Variants in PHACTR3 observed in about 807,000 individuals in gnomAD.
PHACTR3 encodes protein phosphatase 1, regulatory subunit 123.
PHACTR3 carries 16 observed loss-of-function variants against 66.8 expected under a neutral mutation model. The observed-to-expected ratio is 0.24, with a 90% CI of 0.16 to 0.36. The LOEUF (loss-of-function observed/expected upper bound fraction) is 0.36, where lower values mean the gene tolerates loss of function less well. PHACTR3 is among the 10% of genes least tolerant of loss of function. PHACTR3 has a pLI of 1.00. For synonymous variants in PHACTR3, 323 were observed against 292.1 expected, an observed-to-expected ratio of 1.11 and a Z score of -1.08; for missense variants, 647 against 719.9, an observed-to-expected ratio of 0.90 and a Z score of 1.16.
intron 1 of PHACTR3, among the ~76,000 whole-genome samples, chr20:59,598,102 G>A (rs1183920974): frequency 6.6e-6 from 1 of 152,014 alleles, no homozygotes; most frequent in Non-Finnish European, 1.5e-5. Context: ...TGACACAAGA[G>A]TGCAGGGGCC....
chr20:59,732,417 G>A (rs182736676), intron 1 of PHACTR3, among the ~76,000 whole-genome samples: 2 of 152,282 alleles, frequency 1.3e-5, no homozygotes, highest in East Asian at 3.9e-4. Context: ...AGAAGGTTTT[G>A]GTGGCCTCCC....
intron 1 of PHACTR3, among the ~76,000 whole-genome samples, chr20:59,606,302 C>CT (rs1393823669): frequency 2.1e-5 from 1 of 47,736 alleles, no homozygotes; most frequent in African/African-American, 5.2e-5. Context: ...CACTGGATCC[C>CT]TCCCCCCCCC....
intron 7 of PHACTR3, among the ~76,000 whole-genome samples, chr20:59,793,820 T>C (rs954141257): frequency 6.6e-6 from 1 of 151,938 alleles, no homozygotes; most frequent in Non-Finnish European, 1.5e-5. Flanking sequence ...TGAATGAAAG[T>C]AGTAAAAGTG....
chr20:59,735,347 G>C (rs1324168970), intron 1 of PHACTR3, among the ~76,000 whole-genome samples: 1 of 152,088 alleles, frequency 6.6e-6, no homozygotes, highest in African/African-American at 2.4e-5. Context: ...GGGTTTGTGA[G>C]TGAATGAATA....
intron 1 of PHACTR3, among the ~76,000 whole-genome samples, chr20:59,594,403 T>A (rs1779579329): frequency 1.3e-5 from 2 of 152,094 alleles, no homozygotes; most frequent in Non-Finnish European, 2.9e-5. Context: ...TTTTATTTCT[T>A]CCTTCCTAAT....
At chr20:59,706,225 A>C (rs2037696598) in intron 1 of PHACTR3, among the ~76,000 whole-genome samples, 1 of 152,178 alleles carries the variant, frequency 6.6e-6, no homozygotes, top group African/African-American at 2.4e-5. Context: ...GCAAAAGACA[A>C]TAGGGTTGAT....
rs549223682 is a variant in PHACTR3, at chr20:59,596,156, G to A, written c.109+18539G>A. Among the ~76,000 whole-genome samples the A allele has an allele frequency of 7.9e-5, 12 of 151,810 alleles. No individual in the cohort carries two copies. In the South Asian group the frequency reaches 1.2e-3, roughly 16 times the overall value. Reference sequence around the variant, plus strand: ...TTATTTTTCTTTGTTTTCTTTTTTCGGACAGAGCTCACTCTGTTGCCCAGG... The same window carrying A: ...TTATTTTTCTTTGTTTTCTTTTTTCAGACAGAGCTCACTCTGTTGCCCAGG... On this transcript the variant is annotated intron_variant, in intron 1 of 12. Coordinates refer to the PHACTR3 transcript ENST00000359926.
At chr20:59,626,571 G>A (rs1329745964) in intron 1 of PHACTR3, 1 of 152,404 alleles carries the variant, frequency 6.6e-6, no homozygotes, top group Non-Finnish European at 1.5e-5. Context: ...TAGGAACAAG[G>A]AGACCAGTGA....
At chr20:59,764,786 G>C (rs2040124860) in intron 4 of PHACTR3, among the ~76,000 whole-genome samples, 1 of 152,170 alleles carries the variant, frequency 6.6e-6, no homozygotes, top group Non-Finnish European at 1.5e-5. Flanking sequence ...GCAGGGTGTG[G>C]ATGCAAGGAC....
rs2034825087 is a variant in PHACTR3 at position 59,635,149 on chromosome 20, T to TTTCTTTCTTTCTTTCC, written c.118+30019_118+30020insCTTTCTTTCTTTCCTT. On this transcript the variant is annotated intron_variant, in intron 1 of 12. Transcript: ENST00000371015. ...TTTCTTTCTTTCTTTCTTTCTTTCT[T>TTTCTTTCTTTCTTTCC]TTTCTTTCTTTCTTTCTTTCCTTTC... is the stretch of plus-strand genomic sequence containing the variant. Among the ~76,000 whole-genome samples, 27 of 60,412 alleles carry TTTCTTTCTTTCTTTCC rather than the reference T, an allele frequency of 4.5e-4. 2 individuals carry two copies. The highest frequency in any genetic ancestry group is 1.6e-3 in the African/African-American group (24 of 15,232). The allele number at this position is 60,412 out of a possible 152,430, so 39.6% of individuals were successfully genotyped here.
At chr20:59,754,366 G>A (rs912794080) in intron 3 of PHACTR3, among the ~76,000 whole-genome samples, 26 of 152,196 alleles carry the variant, frequency 1.7e-4, no homozygotes, top group African/African-American at 5.8e-4. Flanking sequence ...CAGACCTAGG[G>A]ACCCCCGGCT....
intron 3 of PHACTR3, among the ~76,000 whole-genome samples, chr20:59,748,451 T>C (rs1044625154): frequency 6.6e-6 from 1 of 152,220 alleles, no homozygotes; most frequent in Non-Finnish European, 1.5e-5. Flanking sequence ...TCTCTTGGTC[T>C]CTGGTCTAGA....
chr20:59,662,386 C>G (rs1268844998), intron 1 of PHACTR3, among the ~76,000 whole-genome samples: 1 of 151,994 alleles, frequency 6.6e-6, no homozygotes, highest in East Asian at 1.9e-4. Flanking sequence ...GGAGCATTCC[C>G]TAGATGAGGA....
intron 1 of PHACTR3, among the ~76,000 whole-genome samples, chr20:59,698,662 C>A (rs911702599): frequency 6.6e-6 from 1 of 152,104 alleles, no homozygotes; most frequent in Admixed American, 6.5e-5. Flanking sequence ...GTTTGGATAT[C>A]TAATGATTTT....
intron 8 of PHACTR3, among the ~76,000 whole-genome samples, chr20:59,831,026 C>T (rs1287983143): frequency 1.3e-5 from 2 of 152,146 alleles, no homozygotes; most frequent in Admixed American, 1.3e-4. Context: ...CCTTCCTCCC[C>T]ATTGTTTGTC....
intron 1 of PHACTR3, among the ~76,000 whole-genome samples, chr20:59,620,986 C>T (rs1403301174): frequency 6.6e-6 from 1 of 152,178 alleles, no homozygotes; most frequent in Admixed American, 6.5e-5. Context: ...GAGTAGAGTC[C>T]ACTGCTGTCA....
chr20:59,666,522 GAGAGAC>G (rs934669160), intron 1 of PHACTR3, among the ~76,000 whole-genome samples: 32 of 150,068 alleles, frequency 2.1e-4, no homozygotes, highest in African/African-American at 7.2e-4. Flanking sequence ...CAGAGGAAGA[GAGAGAC>G]AGAGACAGAG....
intron 1 of PHACTR3, among the ~76,000 whole-genome samples, chr20:59,583,876 A>C (rs534503061): frequency 6.6e-6 from 1 of 152,314 alleles, no homozygotes; most frequent in South Asian, 2.1e-4. Context: ...GCGTGATTAC[A>C]GTATTTTCAG....
intron 1 of PHACTR3, among the ~76,000 whole-genome samples, chr20:59,672,030 G>T (rs966382552): frequency 2.6e-5 from 4 of 152,236 alleles, no homozygotes; most frequent in African/African-American, 7.2e-5. Context: ...CCCTAAGGAA[G>T]TCTGGAGTCC....
Sources: allele counts gnomAD v4.1 joint callset (sites outside exome capture counted in the v4.1 genomes callset), GRCh38; gene constraint gnomAD v4.1.1; transcripts MANE v1.5; gene names NCBI Gene and HGNC (gene_info 2026-07-23, HGNC 2026-07-21).